LMOD1: variants seen among roughly 807,000 people sequenced by gnomAD.
The protein encoded by LMOD1 is leiomodin-1.
In LMOD1, 8 loss-of-function variants were observed where a neutral mutation model predicts 36.5. The ratio of observed to expected loss-of-function variants is 0.22; its 90% confidence interval spans 0.13 to 0.40. LMOD1 has a LOEUF of 0.40. Ranked by LOEUF, LMOD1 falls within the 10% of genes least tolerant of loss-of-function variation. The pLI, the probability that LMOD1 is intolerant of heterozygous loss-of-function variation, is 1.00. For missense variants in LMOD1, 630 were observed against 751.1 expected (o/e 0.84, Z 1.88); for synonymous variants, 284 against 288.7 (o/e 0.98, Z 0.17).
intron 1 of LMOD1, among the ~76,000 whole-genome samples, chr1:201,903,425 C>T (rs1681362395): frequency 6.6e-6 from 1 of 151,754 alleles, no homozygotes; most frequent in African/African-American, 2.4e-5. Context: ...CTCCCCCTCC[C>T]ACTCACTCAG....
At chr1:201,938,291 G>A (rs908069215) in intron 1 of LMOD1, among the ~76,000 whole-genome samples, 2 of 151,968 alleles carry the variant, frequency 1.3e-5, no homozygotes, top group African/African-American at 2.4e-5. Flanking sequence ...CACCACGCCC[G>A]GCTAATTTTG....
At chr1:201,907,580 A>G (rs904636030) in intron 1 of LMOD1, among the ~76,000 whole-genome samples, 3 of 152,126 alleles carry the variant, frequency 2.0e-5, no homozygotes, top group Non-Finnish European at 2.9e-5. Flanking sequence ...AGCCCTGGAG[A>G]CCTGCCTGGA....
At chr1:201,915,520 G>A (rs1681591436) in intron 1 of LMOD1, among the ~76,000 whole-genome samples, 1 of 151,970 alleles carries the variant, frequency 6.6e-6, no homozygotes, top group Non-Finnish European at 1.5e-5. Context: ...TGGGCAAGTG[G>A]CTCCTCTAAA....
chr1:201,918,952 G>T (rs1287309375), intron 1 of LMOD1, among the ~76,000 whole-genome samples: 2 of 152,146 alleles, frequency 1.3e-5, no homozygotes, highest in Non-Finnish European at 2.9e-5. Flanking sequence ...GAGTGTAGTG[G>T]TATGATCATA....
chr1:201,946,403 G>A lies in LMOD1; in HGVS notation c.-63C>T, dbSNP rs930593759. 3 of 1,557,928 alleles carry A rather than the reference G, an allele frequency of 1.9e-6. No homozygotes were observed. The Admixed American group carries it at 5.3e-5, about 27-fold the overall frequency. Reference sequence around the variant, plus strand: ...AGTCCTGGTGGGCAGGGAAGGGAGAGGGGTGAGCTGATCTGGATGCAGCGA... The same window carrying A: ...AGTCCTGGTGGGCAGGGAAGGGAGAAGGGTGAGCTGATCTGGATGCAGCGA... On this transcript the variant is annotated 5_prime_UTR_variant, in exon 1 of 3. Coordinates refer to ENST00000367288, the MANE Select transcript of LMOD1 (RefSeq NM_012134.3).
rs372135299 is a variant in LMOD1, at chr1:201,946,211, T to G, written c.130A>C (p.Ser44Arg). The change falls in exon 1 of 3, where the codon AGT (serine) becomes CGT (arginine). Residue 44 changes from serine to arginine, a missense_variant. Ser to Arg is a moderately radical substitution (Grantham distance 110). Around this residue, in one of 3 missense-constraint regions of LMOD1, gnomAD observed 405 missense variants for 400.6 expected, o/e 1.01. Coordinates refer to ENST00000367288, the MANE Select transcript of LMOD1 (RefSeq NM_012134.3). ...KELDVVDPDG[S>R]VPVGLRQRNQ... The stretch of plus-strand genomic sequence containing the variant: ...CTCTGCCGCAGCCCCACGGGAACAC[T>G]CCCGTCTGGGTCCACCACGTCCAGC... 1 of 1,613,860 alleles carries G rather than the reference T, an allele frequency of 6.2e-7. No homozygotes were observed. The highest frequency in any genetic ancestry group is 1.3e-5 in the African/African-American group (1 of 74,912).
chr1:201,909,360 A>C (rs550585950), intron 1 of LMOD1, among the ~76,000 whole-genome samples: 1 of 152,338 alleles, frequency 6.6e-6, no homozygotes, highest in South Asian at 2.1e-4. Context: ...GAGAAATTCT[A>C]ACACTGGAGG....
intron 1 of LMOD1, among the ~76,000 whole-genome samples, chr1:201,906,575 C>T (rs1039475002): frequency 1.3e-5 from 2 of 152,198 alleles, no homozygotes; most frequent in Non-Finnish European, 2.9e-5. Flanking sequence ...CAGCAGATGC[C>T]TTACAGGGCT....
chr1:201,907,740 C>T (rs1164720506), intron 1 of LMOD1, among the ~76,000 whole-genome samples: 1 of 152,184 alleles, frequency 6.6e-6, no homozygotes, highest in Non-Finnish European at 1.5e-5. Flanking sequence ...GGGAGCTACA[C>T]TTGTTGGGCC....
Position 201,896,664 on chromosome 1 carries a change from C to G in LMOD1, c.*1708G>C, listed in dbSNP as rs2102905778. ...ACAGTGAGGGCTGACAGTGGAAGCTCTAGCTGGCCTTAGCTCCAGCTCATA... is the reference window on the plus strand; with the variant it reads ...ACAGTGAGGGCTGACAGTGGAAGCTGTAGCTGGCCTTAGCTCCAGCTCATA... On this transcript the variant is annotated 3_prime_UTR_variant, in exon 3 of 3. Coordinates refer to ENST00000367288, the MANE Select transcript of LMOD1 (RefSeq NM_012134.3). 3 of 456,756 alleles carry G rather than the reference C, an allele frequency of 6.6e-6. 1 individual carries two copies. Among genetic ancestry groups the G allele is most frequent in the South Asian group, 3.1e-5 (2 of 64,576 alleles). 28.3% of individuals were successfully genotyped at this position (456,756 alleles called of 1,614,324 possible). A position where few individuals can be genotyped will look rare whatever the true frequency, so the allele number is the denominator to read the frequency against.
chr1:201,900,738 A>G lies in LMOD1; in HGVS notation c.275T>C (p.Val92Ala), dbSNP rs1446331055. ...REMSMDESKQ[V>A]ETKTDAKNGE... Reference sequence around the variant, plus strand: ...ATTCTTGGCATCTGTCTTGGTCTCCACTTGCTTGCTTTCCTAAGAATTCAG... The same window carrying G: ...ATTCTTGGCATCTGTCTTGGTCTCCGCTTGCTTGCTTTCCTAAGAATTCAG... The change falls in exon 2 of 3, where the codon GTG (valine) becomes GCG (alanine). Residue 92 changes from valine (V) to alanine (A), a missense_variant. Val to Ala is a moderately conservative substitution (Grantham distance 64). This residue lies in a region of LMOD1 where 405 missense variants were observed against 400.6 expected (regional missense o/e 1.01). Transcript: ENST00000367288. The G allele has an allele frequency of 6.3e-7, 1 of 1,579,196 alleles. No individual in the cohort carries two copies. Among genetic ancestry groups the G allele is most frequent in the Non-Finnish European group, 8.6e-7 (1 of 1,166,852 alleles).
At chr1:201,912,453 C>T (rs1035843840) in intron 1 of LMOD1, among the ~76,000 whole-genome samples, 5 of 152,134 alleles carry the variant, frequency 3.3e-5, no homozygotes, top group African/African-American at 1.2e-4. Flanking sequence ...TTGTCCATCT[C>T]CCCTGCAGGA....
intron 1 of LMOD1, among the ~76,000 whole-genome samples, chr1:201,925,541 GT>G (rs908292138): frequency 1.4e-4 from 21 of 152,192 alleles, no homozygotes; most frequent in Middle Eastern, 3.4e-3. Flanking sequence ...TGACCATTTG[GT>G]TATGGTTTGG....
At chr1:201,945,750 G>A (rs984083034) in intron 1 of LMOD1, among the ~76,000 whole-genome samples, 4 of 152,124 alleles carry the variant, frequency 2.6e-5, no homozygotes, top group African/African-American at 9.7e-5. Context: ...AATGAGTGTG[G>A]AGAAAAACAA....
At chr1:201,944,950 G>A (rs996316659) in intron 1 of LMOD1, among the ~76,000 whole-genome samples, 1 of 152,180 alleles carries the variant, frequency 6.6e-6, no homozygotes, top group African/African-American at 2.4e-5. Flanking sequence ...CTGTGAGAAT[G>A]TGCATGTCAT....
rs1353799693 is a variant in LMOD1, at chr1:201,900,677, G to C, written c.336C>G (p.Ala112=). 6.2e-7 allele frequency: 1 copy of C among 1,613,864 alleles called. No individual in the cohort carries two copies. The highest frequency in any genetic ancestry group is 8.5e-7 in the Non-Finnish European group (1 of 1,179,878). The stretch of plus-strand genomic sequence containing the variant: ...GATCTGAGTCCCGTCTGGGGCCCAG[G>C]GCTTTTTTGCTGGCATCTCTGCCCC... The part of the protein sequence containing the change: ...EERGRDASKK[A]LGPRRDSDLG... The change falls in exon 2 of 3, where the codon GCC becomes GCG. Residue 112 remains alanine (A), a synonymous_variant. Coordinates refer to ENST00000367288, the MANE Select transcript of LMOD1 (RefSeq NM_012134.3).
rs76848012 is a variant in LMOD1, at chr1:201,933,109, G to A, written c.261+12971C>T. On this transcript the variant is annotated intron_variant, in intron 1 of 2. Transcript: ENST00000367288. Reference sequence around the variant, plus strand: ...TATTCACATAGTAAAATGCTGCATAGCAATGAAGGTTTAAAAATGCTACAG... The same window carrying A: ...TATTCACATAGTAAAATGCTGCATAACAATGAAGGTTTAAAAATGCTACAG... Among the ~76,000 whole-genome samples the A allele has an allele frequency of 4.5e-4, 69 of 152,240 alleles. No homozygotes were observed. In the East Asian group the frequency reaches 0.012, roughly 26 times the overall value.
At chr1:201,909,808 G>C (rs1040621710) in intron 1 of LMOD1, among the ~76,000 whole-genome samples, 17 of 152,184 alleles carry the variant, frequency 1.1e-4, no homozygotes, top group Non-Finnish European at 2.1e-4. Flanking sequence ...CCATGTTACA[G>C]AAGAAAGTGA....
chr1:201,916,583 G>A (rs1319008908), intron 1 of LMOD1, among the ~76,000 whole-genome samples: 2 of 145,018 alleles, frequency 1.4e-5, no homozygotes, highest in African/African-American at 5.1e-5. Context: ...AAACAAAATT[G>A]TCTTTAAATA....
Sources: gnomAD v4.1 joint callset for allele counts (sites outside exome capture counted in the v4.1 genomes callset) on GRCh38, gnomAD v4.1.1 for gene constraint, gnomAD v4.1.1 regional missense constraint, MANE v1.5 for transcripts, NCBI Gene and HGNC (gene_info 2026-07-23, HGNC 2026-07-21) for gene names.